The following CRYL1 variants were observed in gnomAD, a reference collection of about 807,000 sequenced individuals.
CRYL1 encodes the protein crystallin lambda 1.
CRYL1 carries 29 observed loss-of-function variants against 36.6 expected under a neutral mutation model. That is an observed-to-expected ratio of 0.79 (90% confidence interval 0.59 to 1.08). The LOEUF is 1.08. Ranked by LOEUF, CRYL1 falls within the 50% of genes least tolerant of loss-of-function variation. The probability of loss-of-function intolerance (pLI) is 0.00; values close to 1 mark genes in which losing one functional copy is unlikely to be tolerated. For missense variants in CRYL1, 411 were observed against 407.9 expected (o/e 1.01, Z -0.06); for synonymous variants, 152 against 151.5 (o/e 1.00, Z -0.02).
intron 4 of CRYL1, 72 bp from the exon 5 acceptor site, chr13:20,432,368 T>C: frequency 8.8e-7 from 1 of 1,137,912 alleles, no homozygotes; most frequent in Non-Finnish European, 1.3e-6. Flanking sequence ...CCACCCTGAA[T>C]GGTCAGGAGC....
At chr13:20,420,687 C>T (rs1163263693) in intron 5 of CRYL1, among the ~76,000 whole-genome samples, 73 of 68,710 alleles carry the variant, frequency 1.1e-3, no homozygotes, top group Non-Finnish European at 1.3e-3. Context: ...TTTGACTTTT[C>T]TTTAAAATAG....
At chr13:20,430,283 T>C in intron 5 of CRYL1, 2 of 985,394 alleles carry the variant, frequency 2.0e-6, no homozygotes, top group Non-Finnish European at 2.4e-6. Flanking sequence ...CCTCTTCCTG[T>C]TCTGTCACAA....
intron 6 of CRYL1, among the ~76,000 whole-genome samples, chr13:20,408,011 C>T (rs1346113975): frequency 6.6e-6 from 1 of 152,176 alleles, no homozygotes; most frequent in Non-Finnish European, 1.5e-5. Context: ...ATGGGAAGTC[C>T]GGTTTTCTTT....
At chr13:20,513,055 T>C (rs978178870) in intron 1 of CRYL1, among the ~76,000 whole-genome samples, 2 of 152,210 alleles carry the variant, frequency 1.3e-5, no homozygotes, top group African/African-American at 4.8e-5. Context: ...AGGTACCCCA[T>C]AAGTATGTAG....
chr13:20,467,540 G>A (rs1250110427), intron 3 of CRYL1, among the ~76,000 whole-genome samples: 1 of 152,024 alleles, frequency 6.6e-6, no homozygotes, highest in Non-Finnish European at 1.5e-5. Flanking sequence ...AAAATATCTG[G>A]GCCTTGCGTG....
intron 6 of CRYL1, among the ~76,000 whole-genome samples, chr13:20,405,595 G>A (rs942002612): frequency 2.0e-5 from 3 of 152,318 alleles, no homozygotes; most frequent in Admixed American, 6.5e-5. Context: ...GAGAGCTCAC[G>A]TTGGCTTGTA....
At chr13:20,457,908 A>G (rs2032724087) in intron 3 of CRYL1, among the ~76,000 whole-genome samples, 2 of 152,210 alleles carry the variant, frequency 1.3e-5, no homozygotes, top group African/African-American at 4.8e-5. Flanking sequence ...TGTGCAGTCT[A>G]TCCAGGTACT....
At chr13:20,440,863 C>T (rs894348879) in intron 3 of CRYL1, among the ~76,000 whole-genome samples, 4 of 152,086 alleles carry the variant, frequency 2.6e-5, no homozygotes, top group Admixed American at 6.6e-5. Context: ...AGATAACGAC[C>T]GCTCTGAGAT....
chr13:20,436,490 G>A (rs1320337827), intron 4 of CRYL1, among the ~76,000 whole-genome samples: 2 of 152,190 alleles, frequency 1.3e-5, no homozygotes, highest in African/African-American at 4.8e-5. Flanking sequence ...GAATTCGGGA[G>A]TCACTGCCAC....
At chr13:20,445,323 TG>T (rs893081664) in intron 3 of CRYL1, among the ~76,000 whole-genome samples, 1 of 152,076 alleles carries the variant, frequency 6.6e-6, no homozygotes, top group African/African-American at 2.4e-5. Context: ...CTCAGAGTGC[TG>T]GGGGAAATGT....
At chr13:20,474,265 G>C (rs540860909) in intron 3 of CRYL1, among the ~76,000 whole-genome samples, 2 of 152,312 alleles carry the variant, frequency 1.3e-5, no homozygotes, top group East Asian at 3.9e-4. Flanking sequence ...GGCTCACTAG[G>C]TATCTCGGAG....
chr13:20,490,926 G>GACAAA, intron 2 of CRYL1, among the ~76,000 whole-genome samples: 1 of 151,314 alleles, frequency 6.6e-6, no homozygotes, highest in Non-Finnish European at 1.5e-5. Flanking sequence ...TGTTTTTTGA[G>GACAAA]ACAGGATCCT....
chr13:20,432,254 G>C lies in CRYL1; in HGVS notation c.481C>G (p.His161Asp). 4 of 1,613,578 alleles carry C rather than the reference G, an allele frequency of 2.5e-6. No individual in the cohort carries two copies. Among genetic ancestry groups the C allele is most frequent in the Non-Finnish European group, 3.4e-6 (4 of 1,179,794 alleles). Residue 161 changes from histidine to aspartate, a missense_variant, in exon 5 of 8, where the codon CAC becomes GAC. His to Asp is a moderately conservative substitution (Grantham distance 81, BLOSUM62 -1). Coordinates refer to ENST00000298248, the MANE Select transcript of CRYL1 (RefSeq NM_015974.3). ...ACTGTCGTAGGGGCCGTCTCCGGGT[G>C]GGGGACCAGCTCAACCAGCGGGATG... ...YYIPLVELVP[H>D]PETAPTTVDR... is the part of the protein sequence containing the mutation.
chr13:20,446,379 TG>T, intron 3 of CRYL1, among the ~76,000 whole-genome samples: 1 of 152,240 alleles, frequency 6.6e-6, no homozygotes, highest in Non-Finnish European at 1.5e-5. Context: ...CCCAAAGTGC[TG>T]GGATTACAGG....
At chr13:20,410,534 AATAAT>A (rs772310226) in intron 6 of CRYL1, among the ~76,000 whole-genome samples, 4 of 152,038 alleles carry the variant, frequency 2.6e-5, no homozygotes, top group Non-Finnish European at 5.9e-5. Flanking sequence ...ACAGTATAAT[AATAAT>A]AAATAAATAA....
At chr13:20,468,870 G>A (rs1009722058) in intron 3 of CRYL1, among the ~76,000 whole-genome samples, 3 of 152,152 alleles carry the variant, frequency 2.0e-5, no homozygotes, top group African/African-American at 7.2e-5. Flanking sequence ...GCCTGCCAAA[G>A]CGCTGGGATT....
chr13:20,521,581 G>A (rs4770052), intron 1 of CRYL1, among the ~76,000 whole-genome samples: 93,860 of 152,016 alleles, frequency 0.62, 33,074 homozygotes, highest in Non-Finnish European at 0.78. Flanking sequence ...AGCGATAGAG[G>A]TAATTCAATG....
At chr13:20,508,860 A>AAAC (rs1565988254) in intron 2 of CRYL1, among the ~76,000 whole-genome samples, 6 of 53,888 alleles carry the variant, frequency 1.1e-4, no homozygotes, top group African/African-American at 3.7e-4. Flanking sequence ...AAAAAAAAAA[A>AAAC]AAAAAAAAAA....
At chr13:20,419,976 G>A (rs915333703) in intron 5 of CRYL1, among the ~76,000 whole-genome samples, 2 of 152,226 alleles carry the variant, frequency 1.3e-5, no homozygotes, top group Admixed American at 6.5e-5. Flanking sequence ...TTAATAAGTC[G>A]AAAATAAAAG....
Sources: allele counts gnomAD v4.1 joint callset (sites outside exome capture counted in the v4.1 genomes callset), GRCh38; gene constraint gnomAD v4.1.1; transcripts MANE v1.5; gene names NCBI Gene and HGNC (gene_info 2026-07-23, HGNC 2026-07-21).